Variants in TOP6BL observed in about 807,000 individuals in gnomAD.
TOP6BL encodes type 2 DNA topoisomerase 6 subunit B-like.
the TOP6BL span, among the ~76,000 whole-genome samples, chr11:66,807,702 G>GC: frequency 1.3e-5 from 2 of 152,168 alleles, no homozygotes; most frequent in Non-Finnish European, 2.9e-5. Flanking sequence ...GGATGCTTTT[G>GC]CCCTGGAGCA....
At chr11:66,833,791 TAAAAA>T in the TOP6BL span, among the ~76,000 whole-genome samples, 2 of 151,810 alleles carry the variant, frequency 1.3e-5, no homozygotes, top group African/African-American at 4.8e-5. Context: ...CTACTAAAAA[TAAAAA>T]AATTAGCCAG....
At chr11:66,830,332 G>A in the TOP6BL span, among the ~76,000 whole-genome samples, 3 of 151,980 alleles carry the variant, frequency 2.0e-5, no homozygotes, top group Non-Finnish European at 2.9e-5. Context: ...AGAAATCAAA[G>A]GGATATTAGA....
chr11:66,829,793 G>GTTGCC, the TOP6BL span, among the ~76,000 whole-genome samples: 1 of 152,190 alleles, frequency 6.6e-6, no homozygotes, highest in South Asian at 2.1e-4. Flanking sequence ...GGAGGCTGAG[G>GTTGCC]TGGAAGAACT....
the TOP6BL span, chr11:66,815,876 A>G: frequency 7.3e-6 from 4 of 550,298 alleles, no homozygotes; most frequent in African/African-American, 5.6e-5. Flanking sequence ...CCTGTGAGTC[A>G]TTATGATTTG....
At chr11:66,828,101 C>G in the TOP6BL span, among the ~76,000 whole-genome samples, 1 of 151,888 alleles carries the variant, frequency 6.6e-6, no homozygotes, top group African/African-American at 2.4e-5. Flanking sequence ...TATCTCAGGC[C>G]TTCTTTTTTT....
the TOP6BL span, among the ~76,000 whole-genome samples, chr11:66,781,100 G>C: frequency 2.0e-5 from 3 of 151,998 alleles, no homozygotes; most frequent in Non-Finnish European, 4.4e-5. Context: ...TGAAATTTTA[G>C]GGAATTTTGT....
the TOP6BL span, chr11:66,756,579 T>TA: frequency 1.4e-5 from 14 of 988,076 alleles, no homozygotes; most frequent in Non-Finnish European, 1.7e-5. Context: ...TGCTTTTATA[T>TA]AAAAACGATA....
At chr11:66,769,194 A>T in the TOP6BL span, among the ~76,000 whole-genome samples, 1 of 152,218 alleles carries the variant, frequency 6.6e-6, no homozygotes, top group Non-Finnish European at 1.5e-5. Context: ...CATTTAATAC[A>T]TTCTGAAAAA....
chr11:66,767,291 T>C, the TOP6BL span, among the ~76,000 whole-genome samples: 1 of 152,190 alleles, frequency 6.6e-6, no homozygotes, highest in African/African-American at 2.4e-5. Context: ...TATATATTCA[T>C]TTATGTGTAT....
the TOP6BL span, chr11:66,788,144 A>G: frequency 1.5e-5 from 24 of 1,578,042 alleles, no homozygotes; most frequent in Admixed American, 3.2e-4. Flanking sequence ...CTTTGTTGCC[A>G]TTTCTTCTCA....
At chr11:66,748,247 C>A in the TOP6BL span, 1 of 702,812 alleles carries the variant, frequency 1.4e-6, no homozygotes, top group Non-Finnish European at 2.3e-6. Flanking sequence ...AAACCTAAAT[C>A]TGACATTTTA....
At chr11:66,832,182 C>A in the TOP6BL span, among the ~76,000 whole-genome samples, 1 of 151,394 alleles carries the variant, frequency 6.6e-6, no homozygotes, top group African/African-American at 2.4e-5. Flanking sequence ...ACTGCAAGCT[C>A]CACCCCCCGG....
At chr11:66,771,200 A>T in the TOP6BL span, 3 of 148,288 alleles carry the variant, frequency 2.0e-5, no homozygotes, top group South Asian at 2.1e-4. Context: ...AGGTCTTGCT[A>T]TGTTGCCCAA....
At chr11:66,809,362 C>G in the TOP6BL span, among the ~76,000 whole-genome samples, 1 of 152,132 alleles carries the variant, frequency 6.6e-6, no homozygotes, top group African/African-American at 2.4e-5. Flanking sequence ...AAAATCATTA[C>G]CAACCTAGAA....
At chr11:66,791,714 A>G in the TOP6BL span, among the ~76,000 whole-genome samples, 1 of 152,164 alleles carries the variant, frequency 6.6e-6, no homozygotes, top group Non-Finnish European at 1.5e-5. Flanking sequence ...GTAAATAAGT[A>G]AATTCACTGC....
the TOP6BL span, among the ~76,000 whole-genome samples, chr11:66,830,089 C>A: frequency 2.6e-5 from 4 of 152,158 alleles, no homozygotes; most frequent in African/African-American, 9.7e-5. Context: ...CTCTGTTCAA[C>A]CACAGAAGAA....
chr11:66,744,810 C>G, the TOP6BL span: 1 of 1,267,938 alleles, frequency 7.9e-7, no homozygotes, highest in Non-Finnish European at 1.0e-6. Flanking sequence ...CAAGCCCGGG[C>G]TGAGGAGGGG....
chr11:66,829,831 G>A, the TOP6BL span, among the ~76,000 whole-genome samples: 4 of 152,166 alleles, frequency 2.6e-5, no homozygotes, highest in South Asian at 2.1e-4. Flanking sequence ...AGAGGTTGCC[G>A]TGAGCTAAAA....
At chr11:66,771,035 T>C in the TOP6BL span, among the ~76,000 whole-genome samples, 33 of 152,278 alleles carry the variant, frequency 2.2e-4, no homozygotes, top group Admixed American at 4.6e-4. Flanking sequence ...AGTACTCTTA[T>C]CTTGTTTATT....
Sources: allele counts gnomAD v4.1 joint callset (sites outside exome capture counted in the v4.1 genomes callset), GRCh38; gene constraint gnomAD v4.1.1; transcripts MANE v1.5; gene names NCBI Gene and HGNC (gene_info 2026-07-23, HGNC 2026-07-21).